ZNF480: variants seen among roughly 807,000 people sequenced by gnomAD.
ZNF480 encodes zinc finger protein 480.
ZNF480 carries 15 observed loss-of-function variants against 14.4 expected under a neutral mutation model. The observed-to-expected ratio is 1.04, with a 90% CI of 0.70 to 1.60. The LOEUF (loss-of-function observed/expected upper bound fraction) is 1.60. Ranked by LOEUF, ZNF480 falls within the 40% of genes most tolerant of loss-of-function variation. The pLI, the probability that ZNF480 is intolerant of heterozygous loss-of-function variation, is 0.00. For missense variants in ZNF480, 593 were observed against 629.7 expected (o/e 0.94, Z 0.62); for synonymous variants, 218 against 215.5 (o/e 1.01, Z -0.10).
chr19:52,316,110 GAGAC>G (rs1358195473), intron 4 of ZNF480, 148 bp downstream of exon 4: 4 of 654,290 alleles, frequency 6.1e-6, no homozygotes, highest in Non-Finnish European at 9.1e-6. Context: ...CAGAGCCTGA[GAGAC>G]AGAGCGAGAC....
chr19:52,310,917 A>G (rs1393283809), intron 2 of ZNF480, among the ~76,000 whole-genome samples: 1 of 150,086 alleles, frequency 6.7e-6, no homozygotes, highest in Non-Finnish European at 1.5e-5. Flanking sequence ...AGGCAGGAGA[A>G]TGGCGTGAAC....
intron 4 of ZNF480, 83 bp downstream of exon 4, chr19:52,316,045 T>C: frequency 7.2e-7 from 1 of 1,388,338 alleles, no homozygotes; most frequent in Non-Finnish European, 9.5e-7. Flanking sequence ...TTTGGTTTTT[T>C]ATGTTTGTAT....
At chr19:52,318,550 A>G (rs946868413) in intron 4 of ZNF480, among the ~76,000 whole-genome samples, 1 of 152,126 alleles carries the variant, frequency 6.6e-6, no homozygotes, top group East Asian at 1.9e-4. Context: ...CATCGTGTGT[A>G]TATTTACCTT....
chr19:52,307,445 C>G (rs769959587), intron 2 of ZNF480: 1 of 152,252 alleles, frequency 6.6e-6, no homozygotes, highest in Non-Finnish European at 1.5e-5. Context: ...TCCACGTTCT[C>G]CAGCCGTCAC....
At chr19:52,318,783 A>G (rs1326962887) in intron 4 of ZNF480, among the ~76,000 whole-genome samples, 2 of 152,230 alleles carry the variant, frequency 1.3e-5, no homozygotes, top group East Asian at 3.9e-4. Context: ...TTTCCTTGTT[A>G]CATGGTCTTG....
intron 2 of ZNF480, among the ~76,000 whole-genome samples, chr19:52,307,168 T>C (rs1982976268): frequency 6.6e-6 from 1 of 152,176 alleles, no homozygotes; most frequent in South Asian, 2.1e-4. Context: ...ACTTCTTCAG[T>C]GTGCTGCCTA....
chr19:52,297,391 A>T, intron 1 of ZNF480, among the ~76,000 whole-genome samples, 168 bp downstream of exon 1: 1 of 151,436 alleles, frequency 6.6e-6, no homozygotes, highest in Non-Finnish European at 1.5e-5. Flanking sequence ...CTGTGTGTTT[A>T]AATCGCTCGG....
At chr19:52,313,998 C>G (rs1031949010) in intron 2 of ZNF480, among the ~76,000 whole-genome samples, 155 bp from the exon 3 acceptor site, 2 of 151,896 alleles carry the variant, frequency 1.3e-5, no homozygotes, top group African/African-American at 4.8e-5. Flanking sequence ...AAAAAAAACA[C>G]ATTTACAGAC....
intron 1 of ZNF480, among the ~76,000 whole-genome samples, chr19:52,298,527 A>G (rs1196215210): frequency 1.3e-5 from 2 of 151,888 alleles, no homozygotes; most frequent in Admixed American, 1.3e-4. Flanking sequence ...GCTACTCAGG[A>G]GGCTGAGGCA....
At chr19:52,302,550 A>G (rs1982746185) in intron 2 of ZNF480, among the ~76,000 whole-genome samples, 1 of 152,218 alleles carries the variant, frequency 6.6e-6, no homozygotes, top group Non-Finnish European at 1.5e-5. Flanking sequence ...CATCACTGCG[A>G]AGCATTGCAG....
intron 2 of ZNF480, among the ~76,000 whole-genome samples, chr19:52,311,050 CTG>C (rs981443091): frequency 5.4e-5 from 8 of 146,900 alleles, no homozygotes; most frequent in African/African-American, 1.7e-4. Context: ...GAGATATTTT[CTG>C]TGACTTATTT....
At chr19:52,319,785 T>G (rs170413) in intron 4 of ZNF480, among the ~76,000 whole-genome samples, 1 of 151,740 alleles carries the variant, frequency 6.6e-6, no homozygotes, top group Non-Finnish European at 1.5e-5. Flanking sequence ...CTGTTTTTTG[T>G]TTTTGGTCTT....
chr19:52,321,556 T>G, intron 4 of ZNF480, 23 bp from the exon 5 acceptor site: 1 of 1,541,684 alleles, frequency 6.5e-7, no homozygotes, highest in Non-Finnish European at 8.7e-7. Context: ...GGTCTGAATT[T>G]TACTTTTTTC....
In ZNF480 at chr19:52,322,170, G is replaced by T. The variant is rs887583783; in HGVS notation, c.920G>T (p.Arg307Ile). 6 of 1,613,800 alleles carry T rather than the reference G, an allele frequency of 3.7e-6. No homozygotes were observed. The highest frequency in any genetic ancestry group is 2.2e-5 in the South Asian group (2 of 91,074). Reference protein sequence around the residue: ...SNNSYLARHQRIHAEEKPYKC... With the variant: ...SNNSYLARHQIIHAEEKPYKC... ...AATTCTTACCTTGCACGACATCAAA[G>T]AATTCATGCTGAAGAGAAACCTTAC... Residue 307 changes from arginine (R) to isoleucine (I), a missense_variant, in exon 5 of 5, where the codon AGA becomes ATA. Arg to Ile is a moderately conservative substitution (Grantham distance 97). Transcript: ENST00000595962.
chr19:52,309,544 C>T (rs185492144), intron 2 of ZNF480, among the ~76,000 whole-genome samples: 1 of 152,312 alleles, frequency 6.6e-6, no homozygotes, highest in East Asian at 1.9e-4. Context: ...AGAAACTTGT[C>T]CCTTAGGCAG....
intron 2 of ZNF480, among the ~76,000 whole-genome samples, chr19:52,310,402 G>T (rs1351647163): frequency 6.6e-6 from 1 of 151,908 alleles, no homozygotes. Flanking sequence ...GACATTCTTT[G>T]TCTTGGTTAA....
At chr19:52,300,791 A>G (rs985688415) in intron 2 of ZNF480, 6 of 445,350 alleles carry the variant, frequency 1.3e-5, no homozygotes, top group African/African-American at 3.9e-5. Context: ...ATTGATAAGC[A>G]TTGTTTCTAT....
chr19:52,322,686 G>A lies in ZNF480; in HGVS notation c.1436G>A (p.Gly479Glu), dbSNP rs201044206. The A allele has an allele frequency of 1.6e-4, 255 of 1,613,670 alleles. No homozygotes were observed. The highest frequency in any genetic ancestry group is 8.5e-6 in the Non-Finnish European group (10 of 1,179,846). Residue 479 changes from glycine (G) to glutamate (E), a missense_variant, in exon 5 of 5, where the codon GGA (glycine) becomes GAA (glutamate). Gly to Glu is a moderately conservative substitution (Grantham distance 98, BLOSUM62 -2). Transcript: ENST00000595962. Reference protein sequence around the residue: ...SLTNHQRIHTGERPYKCNECG... With the variant: ...SLTNHQRIHTEERPYKCNECG... ...ACCAATCATCAGAGAATCCATACTG[G>A]AGAAAGACCTTACAAATGTAATGAA...
chr19:52,322,858 GA>G lies in ZNF480; in HGVS notation c.*3del. ...AACATTGGACAATTCATATGGGATA[GA>G]AACTACAAATGCAACAAATGCGTCA... On this transcript the variant is annotated 3_prime_UTR_variant, in exon 5 of 5. Coordinates refer to ENST00000595962, the MANE Select transcript of ZNF480 (RefSeq NM_144684.4). 6.4e-7 allele frequency: 1 copy of G among 1,558,956 alleles called. No homozygotes were observed. The highest frequency in any genetic ancestry group is 8.7e-7 in the Non-Finnish European group (1 of 1,150,004).
Sources: gnomAD v4.1 joint callset for allele counts (sites outside exome capture counted in the v4.1 genomes callset) on GRCh38, gnomAD v4.1.1 for gene constraint, MANE v1.5 for transcripts, NCBI Gene and HGNC (gene_info 2026-07-23, HGNC 2026-07-21) for gene names.